AP3D1: variants seen among roughly 807,000 people sequenced by gnomAD.
AP3D1 encodes the protein adaptor related protein complex 3 subunit delta 1.
AP3D1 carries 51 observed loss-of-function variants against 147.6 expected under a neutral mutation model. The ratio of observed to expected loss-of-function variants is 0.35; its 90% CI spans 0.28 to 0.44. AP3D1 has a LOEUF of 0.44. AP3D1 is among the 20% of genes least tolerant of loss of function. The pLI, the probability that AP3D1 is intolerant of heterozygous loss-of-function variation, is 1.00. For missense variants in AP3D1, 1,421 were observed against 1,624.2 expected (o/e 0.87, Z 2.15); for synonymous variants, 760 against 663.0 (o/e 1.15, Z -2.25).
chr19:2,156,024 G>C (rs1211221701), upstream of AP3D1, among the ~76,000 whole-genome samples: 1 of 148,788 alleles, frequency 6.7e-6, no homozygotes, highest in Non-Finnish European at 1.5e-5. Context: ...CTGCACTCCA[G>C]CCTGGACGAC....
chr19:2,146,111 T>C (rs1351447359), intron 1 of AP3D1, among the ~76,000 whole-genome samples: 1 of 152,218 alleles, frequency 6.6e-6, no homozygotes, highest in African/African-American at 2.4e-5. Flanking sequence ...TCCGACTATG[T>C]ATGGAAGCTG....
chr19:2,129,557 G>C, intron 6 of AP3D1, 100 bp from the exon 7 acceptor site: 1 of 1,408,242 alleles, frequency 7.1e-7, no homozygotes, highest in Admixed American at 2.5e-5. Context: ...GCCTGCAGCA[G>C]CTCCCACTGA....
intron 9 of AP3D1, 70 bp downstream of exon 9, chr19:2,127,082 T>A: frequency 6.4e-7 from 1 of 1,551,650 alleles, no homozygotes; most frequent in Non-Finnish European, 8.9e-7. Flanking sequence ...CCTGGCGCCC[T>A]CCTGTCCCCA....
At chr19:2,152,894 CA>C (rs568077207), upstream of AP3D1, among the ~76,000 whole-genome samples, 108 of 150,712 alleles carry the variant, frequency 7.2e-4, no homozygotes, top group Non-Finnish European at 1.3e-3. Flanking sequence ...CAAAACAAAC[CA>C]AAAAAACTGG....
Position 2,111,815 on chromosome 19 carries a change from G to C in AP3D1, c.2801C>G (p.Pro934Arg), listed in dbSNP as rs1336291217. The C allele has an allele frequency of 1.2e-6, 2 of 1,613,892 alleles. No individual in the cohort carries two copies. The highest frequency in any genetic ancestry group is 2.2e-5 in the South Asian group (2 of 91,082). ...GQDQDKKSPK[P>R]KKKKHRKEKE... ...CTCCTTCCTGTGCTTCTTCTTCTTA[G>C]GCTTGGGAGATTTCTGGAGCAAGAG... The change falls in exon 25 of 32, where the codon CCT becomes CGT. Residue 934 changes from proline (P) to arginine (R), a missense_variant. This residue lies in a region of AP3D1 where 791 missense variants were observed against 761.4 expected (regional missense o/e 1.04). Coordinates refer to ENST00000643116, the MANE Select transcript of AP3D1 (RefSeq NM_001261826.3).
intron 14 of AP3D1, among the ~76,000 whole-genome samples, chr19:2,120,600 C>A (rs1172226208): frequency 4.6e-5 from 7 of 152,216 alleles, no homozygotes; most frequent in Admixed American, 6.5e-5. Flanking sequence ...AGTCCTAGTG[C>A]CCACGGGATC....
intron 26 of AP3D1, 29 bp downstream of exon 26, chr19:2,111,256 C>T: frequency 6.2e-7 from 1 of 1,613,436 alleles, no homozygotes; most frequent in Non-Finnish European, 8.5e-7. Flanking sequence ...GGCTGGCCCA[C>T]CCTGCCCCTG....
chr19:2,140,204 G>C (rs2019183124), intron 1 of AP3D1, among the ~76,000 whole-genome samples: 1 of 152,154 alleles, frequency 6.6e-6, no homozygotes, highest in South Asian at 2.1e-4. Context: ...GGAGAGGTCA[G>C]ACCCTCACGA....
intron 1 of AP3D1, among the ~76,000 whole-genome samples, chr19:2,146,532 A>T (rs1221070872): frequency 6.8e-6 from 1 of 147,802 alleles, no homozygotes; most frequent in Non-Finnish European, 1.5e-5. Context: ...TGAACCCAGG[A>T]GGCAGAGGTT....
chr19:2,110,153 G>A lies in AP3D1; in HGVS notation c.3247C>T (p.Leu1083=), dbSNP rs766273969. 2 of 1,612,988 alleles carry A rather than the reference G, an allele frequency of 1.2e-6. No individual in the cohort carries two copies. Among genetic ancestry groups the A allele is most frequent in the South Asian group, 1.1e-5 (1 of 91,026 alleles). ...IVMAQKLKGT[L]SFIAKNDEGA... is the part of the protein sequence containing the mutation. ...CTGCATACCTTGGCAATGAAGGACA[G>A]GGTCCCCTTGAGCTTCTGCGCCATG... Residue 1083 remains leucine (L), a synonymous_variant, in exon 28 of 32, where the codon CTG becomes TTG. Transcript: ENST00000643116.
intron 1 of AP3D1, among the ~76,000 whole-genome samples, chr19:2,150,764 C>T (rs2019485323): frequency 6.6e-6 from 1 of 152,184 alleles, no homozygotes; most frequent in African/African-American, 2.4e-5. Flanking sequence ...GGGGAGGGTC[C>T]GGGGGCGGGG....
At chr19:2,158,997 A>C (rs2019671951) in intron 1 of AP3D1, among the ~76,000 whole-genome samples, 1 of 136,602 alleles carries the variant, frequency 7.3e-6, no homozygotes. Context: ...ATTTTCTGTT[A>C]TAATTTTTTT....
At chr19:2,117,093 G>A (rs1206654858) in intron 16 of AP3D1, 129 bp downstream of exon 16, 14 of 1,223,534 alleles carry the variant, frequency 1.1e-5, no homozygotes, top group South Asian at 1.6e-5. Flanking sequence ...GGATATACCC[G>A]CCTGAGGCCT....
At chr19:2,140,517 C>A (rs1448396497) in intron 1 of AP3D1, among the ~76,000 whole-genome samples, 2 of 151,856 alleles carry the variant, frequency 1.3e-5, no homozygotes, top group Admixed American at 1.3e-4. Flanking sequence ...ACTCTGTCGC[C>A]CAGGCTGGAG....
chr19:2,109,116 C>A lies in AP3D1; in HGVS notation c.3442G>T (p.Ala1148Ser), dbSNP rs1358478693. Residue 1148 changes from alanine (A) to serine (S), a missense_variant, in exon 30 of 32, where the codon GCG (alanine) becomes TCG (serine). Ala to Ser is a moderately conservative substitution (Grantham distance 99). Coordinates refer to ENST00000643116, the MANE Select transcript of AP3D1 (RefSeq NM_001261826.3). ...GIRMSFQNLL[A>S]KICFHHHFSV... The stretch of plus-strand genomic sequence containing the variant: ...AAATGGTGGTGAAAACAGATCTTCG[C>A]CAGAAGATTCTGGAAGGACATCCGA... The A allele has an allele frequency of 2.5e-6, 4 of 1,609,250 alleles. 1 individual carries two copies. The highest frequency in any genetic ancestry group is 3.4e-5 in the Admixed American group (2 of 58,236).
intron 24 of AP3D1, chr19:2,112,333 C>T (rs926744005): frequency 1.1e-5 from 2 of 178,538 alleles, no homozygotes; most frequent in South Asian, 1.4e-4. Flanking sequence ...GACCCGGCCA[C>T]GAACAGGAAC....
At chr19:2,113,855 G>A (rs939064641) in intron 22 of AP3D1, among the ~76,000 whole-genome samples, 5 of 152,184 alleles carry the variant, frequency 3.3e-5, no homozygotes, top group Admixed American at 2.6e-4. Context: ...GGACCACGCC[G>A]AGCTCTGACC....
At position 2,157,064 on chromosome 19, in the gene AP3D1, CATCCACCCATCCATCTATCGATCT is replaced by C. The variant is rs1209085460; in HGVS notation, c.-103+7268_-103+7291del. Among the ~76,000 whole-genome samples the C allele has an allele frequency of 2.0e-5, 3 of 151,630 alleles. No homozygotes were observed. In the East Asian group the frequency reaches 5.8e-4, roughly 29 times the overall value. On this transcript the variant is annotated intron_variant, in intron 1 of 14. Coordinates refer to the AP3D1 transcript ENST00000643010. ...TCCATCCACCCATCTGTCATCCATC[CATCCACCCATCCATCTATCGATCT>C]ATCCACCCATCATCCATCCATCCAT...
rs756164366 is a variant in AP3D1 at position 2,120,831 on chromosome 19, C to A, written c.1481+31G>T. The A allele has an allele frequency of 1.9e-6, 3 of 1,588,704 alleles. No individual in the cohort carries two copies. In the East Asian group the frequency reaches 6.7e-5, roughly 36 times the overall value. On this transcript the variant is annotated intron_variant, in intron 14 of 31. Transcript: ENST00000643116. ...CCTACCCCTCAGAAGCTTGGAGAAG[C>A]TGCCAGCCCAGAGGCCCAGCGCCCA...
Sources: gnomAD v4.1 joint callset for allele counts (sites outside exome capture counted in the v4.1 genomes callset) on GRCh38, gnomAD v4.1.1 for gene constraint, gnomAD v4.1.1 regional missense constraint, MANE v1.5 for transcripts, NCBI Gene and HGNC (gene_info 2026-07-23, HGNC 2026-07-21) for gene names.